The following PSD3 variants were observed in gnomAD, a reference collection of about 807,000 sequenced individuals.
PSD3 encodes the protein PH and SEC7 domain-containing protein 3.
In PSD3, 49 loss-of-function variants were observed where a neutral mutation model predicts 105.5. The observed-to-expected ratio is 0.46, with a 90% CI of 0.37 to 0.59. The LOEUF (loss-of-function observed/expected upper bound fraction) is 0.59. Ranked by LOEUF, PSD3 falls within the 20% of genes least tolerant of loss-of-function variation. The pLI, the probability that PSD3 is intolerant of heterozygous loss-of-function variation, is 0.00. For synonymous variants in PSD3, 557 were observed against 457.8 expected, an observed-to-expected ratio of 1.22 and a Z score of -2.77; for missense variants, 1,561 against 1,263.8, an observed-to-expected ratio of 1.24 and a Z score of -3.57.
intron 1 of PSD3, among the ~76,000 whole-genome samples, chr8:19,041,854 T>C (rs964333894): frequency 6.6e-6 from 1 of 152,222 alleles, no homozygotes; most frequent in African/African-American, 2.4e-5. Context: ...TTCAAAACTG[T>C]GCCTTTCCTA....
At position 18,804,771 on chromosome 8, in the gene PSD3, A is replaced by G. The variant is rs753103501; in HGVS notation, c.1762T>C (p.Leu588=). 7.4e-6 allele frequency: 12 copies of G among 1,614,128 alleles called. No homozygotes were observed. In the South Asian group the frequency reaches 1.1e-4, roughly 15 times the overall value. The change falls in exon 5 of 16, where the codon TTG becomes CTG. Residue 588 remains leucine, a synonymous_variant. Coordinates refer to ENST00000327040, the MANE Select transcript of PSD3 (RefSeq NM_015310.4). ...TCCAGCTGATAAAGGCGTTTGGCCA[A>G]CCTTTTGGCTGCTTCCACATTGCTG... ...TSSNVEAAKR[L]AKRLYQLDRF...
chr8:18,767,457 T>G (rs1056673956), intron 8 of PSD3, among the ~76,000 whole-genome samples: 2 of 152,122 alleles, frequency 1.3e-5, no homozygotes, highest in African/African-American at 4.8e-5. Flanking sequence ...AACATCGTAA[T>G]ATACCTGTGA....
At chr8:18,561,110 C>A (rs1336782761) in intron 14 of PSD3, among the ~76,000 whole-genome samples, 1 of 152,128 alleles carries the variant, frequency 6.6e-6, no homozygotes, top group Non-Finnish European at 1.5e-5. Context: ...GAAATGAAAT[C>A]AGTATCTCAA....
chr8:18,637,197 C>T (rs965513595), intron 10 of PSD3, among the ~76,000 whole-genome samples: 1 of 152,202 alleles, frequency 6.6e-6, no homozygotes, highest in Non-Finnish European at 1.5e-5. Flanking sequence ...TTTCTTTTGT[C>T]TTACACTGTT....
At chr8:18,541,670 G>C (rs1230767449) in intron 15 of PSD3, among the ~76,000 whole-genome samples, 1 of 151,968 alleles carries the variant, frequency 6.6e-6, no homozygotes, top group Non-Finnish European at 1.5e-5. Flanking sequence ...TAGGACTGGG[G>C]CTTTTTCTCT....
intron 1 of PSD3, among the ~76,000 whole-genome samples, chr8:19,070,336 T>C (rs1829210583): frequency 6.7e-6 from 1 of 149,310 alleles, no homozygotes; most frequent in South Asian, 2.1e-4. Flanking sequence ...TTATGACTGA[T>C]GTATTTACAC....
chr8:19,072,870 T>C (rs7000610), intron 1 of PSD3, among the ~76,000 whole-genome samples: 118,648 of 152,116 alleles, frequency 0.78, 47,294 homozygotes, highest in East Asian at 0.86. Context: ...TGAGTTCATG[T>C]GGAAGGACTC....
intron 8 of PSD3, among the ~76,000 whole-genome samples, chr8:18,778,319 A>G (rs1424605108): frequency 6.6e-6 from 1 of 152,134 alleles, no homozygotes; most frequent in Admixed American, 6.5e-5. Flanking sequence ...CTGATTTTTT[A>G]CCTTGAAACT....
chr8:18,972,381 A>G (rs1824703496), intron 1 of PSD3, among the ~76,000 whole-genome samples: 1 of 152,234 alleles, frequency 6.6e-6, no homozygotes, highest in Admixed American at 6.5e-5. Context: ...AGGAATAACA[A>G]ACAGACAGAT....
chr8:18,579,269 G>C (rs1272414069), intron 12 of PSD3, among the ~76,000 whole-genome samples: 2 of 152,046 alleles, frequency 1.3e-5, no homozygotes, highest in African/African-American at 4.8e-5. Context: ...TGGTAGAATT[G>C]GGCAGGAAGA....
intron 9 of PSD3, among the ~76,000 whole-genome samples, chr8:18,750,298 G>T (rs1019599383): frequency 6.6e-6 from 1 of 152,096 alleles, no homozygotes; most frequent in African/African-American, 2.4e-5. Context: ...CTGATGTTCA[G>T]ATGTGTTCGG....
At chr8:18,808,200 T>C (rs11775742) in intron 4 of PSD3, among the ~76,000 whole-genome samples, 55,656 of 152,088 alleles carry the variant, frequency 0.37, 11,086 homozygotes, top group Non-Finnish European at 0.45. Context: ...AACAAAGCCC[T>C]TGGAGTTGTG....
intron 1 of PSD3, among the ~76,000 whole-genome samples, chr8:18,987,375 C>T (rs1825562528): frequency 6.6e-6 from 1 of 151,908 alleles, no homozygotes; most frequent in Non-Finnish European, 1.5e-5. Context: ...GCAAGCTCTG[C>T]CTTCCAGGCT....
chr8:18,945,766 A>G (rs1264078911), intron 1 of PSD3, among the ~76,000 whole-genome samples: 2 of 152,194 alleles, frequency 1.3e-5, no homozygotes, highest in Non-Finnish European at 2.9e-5. Context: ...ACTTGAGGTC[A>G]GGAGTTTGAG....
chr8:18,725,095 G>C (rs1400190020), intron 9 of PSD3, among the ~76,000 whole-genome samples: 1 of 152,152 alleles, frequency 6.6e-6, no homozygotes, highest in Non-Finnish European at 1.5e-5. Context: ...TTTCAGTGCA[G>C]CAAACAGGTT....
intron 1 of PSD3, among the ~76,000 whole-genome samples, chr8:19,057,145 T>A (rs930355235): frequency 6.6e-6 from 1 of 152,146 alleles, no homozygotes; most frequent in Admixed American, 6.5e-5. Flanking sequence ...CTCACTGGCA[T>A]ATGAACATGT....
chr8:18,824,523 G>T (rs777784969), intron 4 of PSD3, among the ~76,000 whole-genome samples: 1 of 152,062 alleles, frequency 6.6e-6, no homozygotes, highest in Non-Finnish European at 1.5e-5. Context: ...TCAAAATTAG[G>T]TATTAGTCTT....
At chr8:19,057,085 T>A (rs1828733778) in intron 1 of PSD3, among the ~76,000 whole-genome samples, 1 of 152,184 alleles carries the variant, frequency 6.6e-6, no homozygotes, top group Non-Finnish European at 1.5e-5. Flanking sequence ...CTGGTTCCCC[T>A]TGGTTAACCC....
At chr8:18,568,782 T>C (rs565645063) in intron 14 of PSD3, among the ~76,000 whole-genome samples, 193 of 152,164 alleles carry the variant, frequency 1.3e-3, no homozygotes, top group African/African-American at 4.5e-3. Context: ...CGTATACATG[T>C]GCCATGCTGG....
Sources: gnomAD v4.1 joint callset for allele counts (sites outside exome capture counted in the v4.1 genomes callset) on GRCh38, gnomAD v4.1.1 for gene constraint, MANE v1.5 for transcripts, NCBI Gene and HGNC (gene_info 2026-07-23, HGNC 2026-07-21) for gene names.